Variants in CENPF observed in about 807,000 individuals in gnomAD.
CENPF encodes the protein AH antigen.
Under a neutral mutation model 307.3 loss-of-function variants are expected in CENPF, and 214 were observed. That is an observed-to-expected ratio of 0.70 (90% CI 0.62 to 0.78). CENPF has a LOEUF of 0.78. CENPF is among the 30% of genes least tolerant of loss of function. The probability of loss-of-function intolerance (pLI) is 0.00; values close to 1 mark genes in which losing one functional copy is unlikely to be tolerated. For synonymous variants in CENPF, 1,259 were observed against 1,270.6 expected (o/e 0.99, Z 0.19); for missense variants, 3,401 against 3,483.9 (o/e 0.98, Z 0.60).
At chr1:214,630,436 G>A in intron 8 of CENPF, 98 bp from the exon 9 acceptor site, 2 of 1,439,850 alleles carry the variant, frequency 1.4e-6, no homozygotes, top group Non-Finnish European at 1.9e-6. Context: ...TGTCTCCTGT[G>A]CTCTCTGTGC....
intron 14 of CENPF, among the ~76,000 whole-genome samples, chr1:214,649,280 G>A (rs1414467521): frequency 6.6e-6 from 1 of 152,168 alleles, no homozygotes; most frequent in Admixed American, 6.5e-5. Flanking sequence ...CACACCTATA[G>A]CACTTGGGCT....
At chr1:214,605,691 G>A in intron 1 of CENPF, 1 of 1,589,910 alleles carries the variant, frequency 6.3e-7, no homozygotes, top group Non-Finnish European at 8.5e-7. Context: ...GAGCTGGCTG[G>A]CAGCTCCTGG....
intron 13 of CENPF, chr1:214,648,461 ATTC>A (rs757423751): frequency 9.8e-6 from 7 of 714,582 alleles, no homozygotes; most frequent in South Asian, 8.4e-5. Context: ...CCTTATTACT[ATTC>A]TTCTATTAAA....
At chr1:214,639,247 C>G (rs1456136104) in intron 11 of CENPF, among the ~76,000 whole-genome samples, 1 of 152,136 alleles carries the variant, frequency 6.6e-6, no homozygotes. Flanking sequence ...ATAGATGAGT[C>G]ATTAGGCAGA....
rs1466667285 is a variant in CENPF, at chr1:214,632,576, G to A, written c.1420G>A (p.Glu474Lys). 6.2e-7 allele frequency: 1 copy of A among 1,613,948 alleles called. No homozygotes were observed. Among genetic ancestry groups the A allele is most frequent in the African/African-American group, 1.3e-5 (1 of 74,918 alleles). ...EQAFQASQIK[E>K]NELRRSMEEM... The stretch of plus-strand genomic sequence containing the variant: ...GGCGTTCCAGGCGAGTCAGATCAAG[G>A]AGAATGAGCTGAGGAGAAGCATGGA... The change falls in exon 10 of 20, where the codon GAG becomes AAG. Residue 474 changes from glutamate to lysine, a missense_variant. Transcript: ENST00000366955.
At chr1:214,656,646 G>A (rs979224259) in intron 17 of CENPF, among the ~76,000 whole-genome samples, 1 of 152,130 alleles carries the variant, frequency 6.6e-6, no homozygotes, top group African/African-American at 2.4e-5. Flanking sequence ...TATAACTGAC[G>A]CTGCAAGAAC....
In CENPF at chr1:214,639,803, G is replaced by T. The variant is rs566268894; in HGVS notation, c.1583-118G>T. ...CCAGGCAATAATGCCAGTTTTTCCAGGGCTTGAGTAGTTGTTAGTTTGTTT... is the reference window on the plus strand; with the variant it reads ...CCAGGCAATAATGCCAGTTTTTCCATGGCTTGAGTAGTTGTTAGTTTGTTT... On this transcript the variant is annotated intron_variant, in intron 11 of 19. Coordinates refer to ENST00000366955, the MANE Select transcript of CENPF (RefSeq NM_016343.4). 29 of 556,734 alleles carry T rather than the reference G, an allele frequency of 5.2e-5. No individual in the cohort carries two copies. In the African/African-American group the frequency reaches 6.0e-4, roughly 11 times the overall value. 34.5% of individuals were successfully genotyped at this position (556,734 alleles called of 1,614,324 possible).
At chr1:214,611,918 G>T (rs541148915) in intron 1 of CENPF, among the ~76,000 whole-genome samples, 2 of 152,290 alleles carry the variant, frequency 1.3e-5, no homozygotes, top group South Asian at 4.1e-4. Flanking sequence ...GGATCATGTT[G>T]TCTGCAAACA....
chr1:214,611,580 G>A lies in CENPF; in HGVS notation c.-41-2134G>A, dbSNP rs192371194. ...GGGGTTTCACCATGTTGGCCAGGCTGGTCTTGAACTCCTGACCTCAGGTGA... is the reference window on the plus strand; with the variant it reads ...GGGGTTTCACCATGTTGGCCAGGCTAGTCTTGAACTCCTGACCTCAGGTGA... On this transcript the variant is annotated intron_variant, in intron 1 of 19. Coordinates refer to ENST00000366955, the MANE Select transcript of CENPF (RefSeq NM_016343.4). Among the ~76,000 whole-genome samples, 819 of 152,224 alleles carry A rather than the reference G, an allele frequency of 5.4e-3. 24 individuals carry two copies. Among genetic ancestry groups the A allele is most frequent in the Admixed American group, 0.051 (774 of 15,296 alleles).
intron 13 of CENPF, chr1:214,648,350 G>T: frequency 2.4e-6 from 1 of 422,518 alleles, no homozygotes; most frequent in Non-Finnish European, 4.5e-6. Context: ...ATAAGATACT[G>T]CCTGATAATG....
At position 214,632,304 on chromosome 1, in the gene CENPF, G is replaced by A. The variant is rs145931840; in HGVS notation, c.1324-176G>A. Among the ~76,000 whole-genome samples, 524 of 152,104 alleles carry A rather than the reference G, an allele frequency of 3.4e-3. 4 individuals carry two copies. Among genetic ancestry groups the A allele is most frequent in the African/African-American group, 0.012 (492 of 41,500 alleles). Reference sequence around the variant, plus strand: ...CTATATGCAGCCGCTGAGTGACGTCGCAAGGTCACATTATGGTATTTTAAG... The same window carrying A: ...CTATATGCAGCCGCTGAGTGACGTCACAAGGTCACATTATGGTATTTTAAG... On this transcript the variant is annotated intron_variant, in intron 9 of 19. Transcript: ENST00000366955.
chr1:214,639,415 T>C (rs1408769911), intron 11 of CENPF, among the ~76,000 whole-genome samples: 3 of 152,198 alleles, frequency 2.0e-5, no homozygotes, highest in Non-Finnish European at 2.9e-5. Context: ...CATCATTTAC[T>C]CTTTTCTACT....
At chr1:214,662,895 T>TA (rs1468804070) in intron 19 of CENPF, among the ~76,000 whole-genome samples, 1 of 152,124 alleles carries the variant, frequency 6.6e-6, no homozygotes, top group Non-Finnish European at 1.5e-5. Context: ...TCCTCTTGCC[T>TA]CAGCCTCCTG....
At chr1:214,633,713 T>A (rs1657873173) in intron 10 of CENPF, among the ~76,000 whole-genome samples, 1 of 149,410 alleles carries the variant, frequency 6.7e-6, no homozygotes, top group Middle Eastern at 3.4e-3. Flanking sequence ...CTGCTGGAGA[T>A]AGGGGGCTGC....
intron 7 of CENPF, among the ~76,000 whole-genome samples, chr1:214,623,232 T>C (rs948785920): frequency 6.6e-6 from 1 of 152,238 alleles, no homozygotes; most frequent in Non-Finnish European, 1.5e-5. Flanking sequence ...TTGTCTGTAC[T>C]GATCATATAC....
intron 4 of CENPF, 61 bp downstream of exon 4, chr1:214,618,755 C>T (rs1558172007): frequency 1.4e-6 from 2 of 1,478,570 alleles, no homozygotes; most frequent in East Asian, 4.6e-5. Flanking sequence ...TTTAATTCTG[C>T]AAAATAAATG....
At chr1:214,625,879 T>C (rs1406685677) in intron 7 of CENPF, among the ~76,000 whole-genome samples, 1 of 152,196 alleles carries the variant, frequency 6.6e-6, no homozygotes, top group Non-Finnish European at 1.5e-5. Flanking sequence ...TCATTTATAA[T>C]AGAATTGTCT....
intron 1 of CENPF, chr1:214,606,186 A>G: frequency 8.8e-7 from 1 of 1,135,600 alleles, no homozygotes. Context: ...CAGTCTCCCC[A>G]CTCAGCCAAG....
chr1:214,658,193 A>C (rs908733627), intron 18 of CENPF, among the ~76,000 whole-genome samples: 1 of 152,048 alleles, frequency 6.6e-6, no homozygotes, highest in African/African-American at 2.4e-5. Flanking sequence ...TGTGAAAAAA[A>C]CAAAAACAAA....
Sources: gnomAD v4.1 joint callset for allele counts (sites outside exome capture counted in the v4.1 genomes callset) on GRCh38, gnomAD v4.1.1 for gene constraint, MANE v1.5 for transcripts, NCBI Gene and HGNC (gene_info 2026-07-23, HGNC 2026-07-21) for gene names.